PRH1: variants seen among roughly 807,000 people sequenced by gnomAD.
PRH1 encodes proline rich protein HaeIII subfamily 1.
Under a neutral mutation model 7.9 loss-of-function variants are expected in PRH1, and 7 were observed. That is an observed-to-expected ratio of 0.89 (90% CI 0.50 to 1.67). PRH1 has a LOEUF of 1.67. PRH1 is among the 40% of genes most tolerant of loss of function. The pLI, the probability that PRH1 is intolerant of heterozygous loss-of-function variation, is 0.00. For missense variants in PRH1, 109 were observed against 223.6 expected (o/e 0.49, Z 3.27); for synonymous variants, 45 against 80.8 (o/e 0.56, Z 2.38).
At chr12:10,985,703 T>C (rs1939580406) in intron 1 of PRH1, among the ~76,000 whole-genome samples, 2 of 152,124 alleles carry the variant, frequency 1.3e-5, no homozygotes. Context: ...CTTGTGAAAA[T>C]ATGATTAACA....
chr12:11,019,221 CT>C (rs1174729382), intron 1 of PRH1, among the ~76,000 whole-genome samples: 5 of 152,292 alleles, frequency 3.3e-5, no homozygotes, highest in Non-Finnish European at 5.9e-5. Context: ...GTGGCTTCCC[CT>C]TGTAACCCTT....
chr12:11,118,491 C>T (rs1945793734), downstream of PRH1, among the ~76,000 whole-genome samples: 1 of 134,660 alleles, frequency 7.4e-6, no homozygotes, highest in Admixed American at 7.7e-5. Context: ...ATTAGTAAAA[C>T]CACTATGGAA....
chr12:11,056,494 C>G (rs1420441855), intron 1 of PRH1, among the ~76,000 whole-genome samples: 1 of 152,046 alleles, frequency 6.6e-6, no homozygotes, highest in African/African-American at 2.4e-5. Flanking sequence ...ATCTGAGACT[C>G]CATTTTACAA....
intron 2 of PRH1, among the ~76,000 whole-genome samples, chr12:10,910,720 A>C (rs183618008): frequency 6.6e-5 from 10 of 152,318 alleles, no homozygotes; most frequent in Non-Finnish European, 1.0e-4. Flanking sequence ...GAGACTCAAG[A>C]AAGATTGTCT....
chr12:11,169,490 C>A (rs1947744875), intron 1 of PRH1, among the ~76,000 whole-genome samples: 1 of 152,162 alleles, frequency 6.6e-6, no homozygotes, highest in Admixed American at 6.5e-5. Context: ...GCTATTTTCC[C>A]CACGGTCTCA....
rs752696463 is a variant in PRH1, at chr12:11,030,820, C to G, written c.-126+16200G>C. On this transcript the variant is annotated intron_variant, in intron 1 of 3. Coordinates refer to the PRH1 transcript ENST00000539853. ...TGGTTACAGTCGCATCTGAAAGGTACACTGCACTCCTCAATTTGATCTTCC... is the reference window on the plus strand; with the variant it reads ...TGGTTACAGTCGCATCTGAAAGGTAGACTGCACTCCTCAATTTGATCTTCC... 5 of 1,614,180 alleles carry G rather than the reference C, an allele frequency of 3.1e-6. No homozygotes were observed. The Admixed American group carries it at 8.3e-5, about 27-fold the overall frequency.
chr12:11,171,340 G>T, intron 1 of PRH1: 8 of 1,230,334 alleles, frequency 6.5e-6, no homozygotes, highest in Non-Finnish European at 8.1e-6. Flanking sequence ...CGCTGGGCGG[G>T]CGGCGACACC....
upstream of PRH1, among the ~76,000 whole-genome samples, chr12:11,048,131 T>A (rs1942977583): frequency 1.4e-5 from 2 of 145,430 alleles, no homozygotes; most frequent in African/African-American, 5.0e-5. Flanking sequence ...TGCACACATA[T>A]ACCCACACAC....
At chr12:10,934,622 A>T (rs987713729) in intron 2 of PRH1, among the ~76,000 whole-genome samples, 1 of 83,870 alleles carries the variant, frequency 1.2e-5, no homozygotes, top group Non-Finnish European at 2.8e-5. Flanking sequence ...TCTTCCTTTA[A>T]AAAAAAAACT....
At position 11,091,592 on chromosome 12, in the gene PRH1, C is replaced by A. The variant is rs749393733; in HGVS notation, n.124-44404G>T. ...GGTGCTGGGATCTTGAGATCCTTTACCATGGAGCTGCATCTTCTTGAGATG... is the reference window on the plus strand; with the variant it reads ...GGTGCTGGGATCTTGAGATCCTTTAACATGGAGCTGCATCTTCTTGAGATG... On this transcript the variant is annotated intron_variant and non_coding_transcript_variant, in intron 1 of 4. Transcript: ENST00000541977. 4.5e-6 allele frequency: 6 copies of A among 1,321,682 alleles called. No homozygotes were observed. Among genetic ancestry groups the A allele is most frequent in the Non-Finnish European group, 4.3e-6 (4 of 930,634 alleles). 81.9% of individuals were successfully genotyped at this position (1,321,682 alleles called of 1,614,324 possible). A position where few individuals can be genotyped will look rare whatever the true frequency, so the allele number is the denominator to read the frequency against.
chr12:11,101,162 T>C (rs1219861978), intron 1 of PRH1, among the ~76,000 whole-genome samples: 2 of 152,228 alleles, frequency 1.3e-5, no homozygotes, highest in African/African-American at 2.4e-5. Context: ...TTAACAATTC[T>C]TGCCTATCTC....
chr12:11,114,619 G>A (rs752365659), intron 1 of PRH1, among the ~76,000 whole-genome samples: 3 of 152,052 alleles, frequency 2.0e-5, no homozygotes, highest in Non-Finnish European at 4.4e-5. Context: ...AAACCTGCAC[G>A]TTCTGCACAT....
intron 2 of PRH1, among the ~76,000 whole-genome samples, chr12:10,927,089 T>G (rs546772161): frequency 6.6e-6 from 1 of 152,190 alleles, no homozygotes; most frequent in Non-Finnish European, 1.5e-5. Context: ...TATGCTAGTC[T>G]CTTTTGCTGA....
chr12:11,070,435 C>T (rs1944014185), intron 1 of PRH1, among the ~76,000 whole-genome samples: 1 of 147,570 alleles, frequency 6.8e-6, no homozygotes, highest in Non-Finnish European at 1.5e-5. Flanking sequence ...GAACACAAGA[C>T]CCCAGAAGTA....
chr12:11,051,009 C>A, upstream of PRH1, among the ~76,000 whole-genome samples: 1 of 152,238 alleles, frequency 6.6e-6, no homozygotes, highest in Non-Finnish European at 1.5e-5. Flanking sequence ...CAGCCATCCA[C>A]CAAACCTAGC....
At chr12:11,083,350 A>AATT (rs1555160728) in intron 1 of PRH1, among the ~76,000 whole-genome samples, 11 of 110,384 alleles carry the variant, frequency 1.0e-4, no homozygotes, top group African/African-American at 1.6e-4. Flanking sequence ...CCTTTTTTAA[A>AATT]TTAAAGAAAA....
At chr12:10,944,352 T>C (rs933823992) in intron 2 of PRH1, among the ~76,000 whole-genome samples, 54 of 152,080 alleles carry the variant, frequency 3.6e-4, no homozygotes, top group African/African-American at 1.3e-3. Flanking sequence ...GTGAATGGGA[T>C]TGCCTTCCTG....
intron 1 of PRH1, among the ~76,000 whole-genome samples, chr12:11,017,463 A>T (rs1238491773): frequency 6.7e-6 from 1 of 150,372 alleles, no homozygotes; most frequent in African/African-American, 2.4e-5. Context: ...CCTGGTCCAC[A>T]TGTTGAAAAA....
chr12:10,989,097 C>T (rs770535663), intron 1 of PRH1, among the ~76,000 whole-genome samples: 4 of 152,170 alleles, frequency 2.6e-5, no homozygotes, highest in Non-Finnish European at 4.4e-5. Flanking sequence ...CGTGAGCCAC[C>T]GCGCCTGGCC....
Sources: gnomAD v4.1 joint callset for allele counts (sites outside exome capture counted in the v4.1 genomes callset) on GRCh38, gnomAD v4.1.1 for gene constraint, MANE v1.5 for transcripts, NCBI Gene and HGNC (gene_info 2026-07-23, HGNC 2026-07-21) for gene names.